The following FILIP1 variants were observed in gnomAD, a reference collection of about 807,000 sequenced individuals.
FILIP1 encodes the protein filamin-A-interacting protein 1.
In FILIP1, 61 loss-of-function variants were observed where a neutral mutation model predicts 102.1. That is an observed-to-expected ratio of 0.60 (90% CI 0.49 to 0.74). The LOEUF is 0.74. FILIP1 is among the 30% of genes least tolerant of loss of function. The pLI is 0.00. For synonymous variants in FILIP1, 491 were observed against 526.9 expected (o/e 0.93, Z 0.93); for missense variants, 1,314 against 1,441.2 (o/e 0.91, Z 1.43).
chr6:75,352,612 A>T (rs1221404344), intron 4 of FILIP1, among the ~76,000 whole-genome samples: 3 of 152,164 alleles, frequency 2.0e-5, no homozygotes, highest in Non-Finnish European at 4.4e-5. Flanking sequence ...AAAGTTATGC[A>T]GCCCTTAGAA....
intron 3 of FILIP1, among the ~76,000 whole-genome samples, chr6:75,354,725 T>C (rs1167385168): frequency 1.3e-5 from 2 of 152,172 alleles, no homozygotes; most frequent in Non-Finnish European, 2.9e-5. Context: ...AAACAACTCT[T>C]TCACGGTTTT....
intron 2 of FILIP1, among the ~76,000 whole-genome samples, chr6:75,365,653 C>T (rs928318289): frequency 6.6e-6 from 1 of 151,990 alleles, no homozygotes; most frequent in Non-Finnish European, 1.5e-5. Flanking sequence ...TCCCAAAGTG[C>T]TGGGATTACA....
intron 4 of FILIP1, chr6:75,319,608 A>C: frequency 2.2e-6 from 1 of 453,494 alleles, no homozygotes; most frequent in South Asian, 1.8e-5. Context: ...AGGCTGGCGG[A>C]TCACAAGGTC....
chr6:75,309,334 T>G (rs540699061), intron 5 of FILIP1, among the ~76,000 whole-genome samples: 34 of 152,182 alleles, frequency 2.2e-4, no homozygotes, highest in Non-Finnish European at 3.7e-4. Flanking sequence ...CATGTTATTG[T>G]CGCTGCTGAC....
At chr6:75,435,189 T>C (rs1007284003) in intron 1 of FILIP1, among the ~76,000 whole-genome samples, 5 of 152,230 alleles carry the variant, frequency 3.3e-5, no homozygotes, top group Non-Finnish European at 7.3e-5. Context: ...ATCACGATAA[T>C]GCTGGCCTCA....
rs796484338 is a variant in FILIP1, at chr6:75,392,851, G to A, written c.276+21846C>T. On this transcript the variant is annotated intron_variant, in intron 2 of 5. Coordinates refer to ENST00000237172, the MANE Select transcript of FILIP1 (RefSeq NM_015687.5). ...TAAAAACACGAGATTCTCTGCACAA[G>A]CTCTCTCTTTGCCTGGTGCCATCCA... Among the ~76,000 whole-genome samples, 4 of 152,286 alleles carry A rather than the reference G, an allele frequency of 2.6e-5. No homozygotes were observed. The South Asian group carries it at 8.3e-4, about 32-fold the overall frequency.
In FILIP1 at chr6:75,470,389, T is replaced by G. The variant is rs139614673; in HGVS notation, c.-7+23025A>C. Among the ~76,000 whole-genome samples, 320 of 152,278 alleles carry G rather than the reference T, an allele frequency of 2.1e-3. 2 individuals are homozygous for G. The highest frequency in any genetic ancestry group is 7.3e-3 in the African/African-American group (304 of 41,580). On this transcript the variant is annotated intron_variant, in intron 1 of 5. Coordinates refer to ENST00000237172, the MANE Select transcript of FILIP1 (RefSeq NM_015687.5). ...ACAAACAGAAAATTTATAGAAAGTA[T>G]AGTCAATAAGGCCACAGACTCTAAA...
At chr6:75,328,689 T>C (rs1773958911) in intron 4 of FILIP1, among the ~76,000 whole-genome samples, 1 of 152,176 alleles carries the variant, frequency 6.6e-6, no homozygotes, top group Non-Finnish European at 1.5e-5. Context: ...GGGTTTCACA[T>C]GTTTGCCAGG....
intron 1 of FILIP1, among the ~76,000 whole-genome samples, chr6:75,434,325 G>A (rs536477846): frequency 6.6e-6 from 1 of 152,336 alleles, no homozygotes; most frequent in African/African-American, 2.4e-5. Context: ...CCATGAGCAT[G>A]GAATGTTCTT....
At chr6:75,423,360 G>C (rs1341760576) in intron 1 of FILIP1, among the ~76,000 whole-genome samples, 4 of 151,952 alleles carry the variant, frequency 2.6e-5, no homozygotes, top group African/African-American at 9.7e-5. Context: ...AACATTTCTC[G>C]ACCTGATTGT....
intron 4 of FILIP1, among the ~76,000 whole-genome samples, chr6:75,329,259 T>C (rs1343552430): frequency 1.3e-5 from 2 of 152,356 alleles, no homozygotes; most frequent in African/African-American, 4.8e-5. Flanking sequence ...CTCTCTTTCT[T>C]GGAATAAAGT....
chr6:75,310,528 A>G (rs1326141152), intron 5 of FILIP1, among the ~76,000 whole-genome samples: 2 of 152,230 alleles, frequency 1.3e-5, no homozygotes, highest in Non-Finnish European at 2.9e-5. Flanking sequence ...AAATAGGTGG[A>G]CCATTCAGAA....
intron 1 of FILIP1, among the ~76,000 whole-genome samples, chr6:75,439,032 T>C (rs957165626): frequency 1.3e-5 from 2 of 152,318 alleles, no homozygotes; most frequent in East Asian, 3.9e-4. Flanking sequence ...TCTCCCCAGA[T>C]AACCTCTAAT....
chr6:75,426,989 ATTAC>A (rs1179583736), intron 1 of FILIP1, among the ~76,000 whole-genome samples: 1 of 152,020 alleles, frequency 6.6e-6, no homozygotes, highest in African/African-American at 2.4e-5. Context: ...TGTTTCCCCC[ATTAC>A]TTCCACCAGA....
intron 1 of FILIP1, among the ~76,000 whole-genome samples, chr6:75,440,341 T>G (rs1376165827): frequency 1.3e-5 from 2 of 152,234 alleles, no homozygotes; most frequent in Non-Finnish European, 2.9e-5. Flanking sequence ...TCCATCTGCT[T>G]TCTCCAACCT....
At chr6:75,315,438 TTG>T (rs1773411137) in intron 4 of FILIP1, among the ~76,000 whole-genome samples, 1 of 152,348 alleles carries the variant, frequency 6.6e-6, no homozygotes, top group East Asian at 1.9e-4. Flanking sequence ...AGTTTCTCTT[TTG>T]TAATTTGCAT....
At chr6:75,310,761 T>C (rs1773155160) in intron 5 of FILIP1, among the ~76,000 whole-genome samples, 1 of 152,212 alleles carries the variant, frequency 6.6e-6, no homozygotes, top group Non-Finnish European at 1.5e-5. Flanking sequence ...AACCAAGCTA[T>C]GCTCTATGTT....
chr6:75,365,330 T>C (rs1283157268), intron 2 of FILIP1, among the ~76,000 whole-genome samples: 1 of 150,442 alleles, frequency 6.6e-6, no homozygotes, highest in Admixed American at 6.7e-5. Flanking sequence ...GGTAGTAATA[T>C]TAAGGGCTGG....
At chr6:75,470,959 A>C (rs1057089274) in intron 1 of FILIP1, among the ~76,000 whole-genome samples, 1 of 152,030 alleles carries the variant, frequency 6.6e-6, no homozygotes, top group Admixed American at 6.6e-5. Flanking sequence ...CCAGGAGTTC[A>C]AGACCAGCCT....
Sources: allele counts gnomAD v4.1 joint callset (sites outside exome capture counted in the v4.1 genomes callset), GRCh38; gene constraint gnomAD v4.1.1; transcripts MANE v1.5; gene names NCBI Gene and HGNC (gene_info 2026-07-23, HGNC 2026-07-21).